The following KCNQ5 variants were observed in gnomAD, a reference collection of about 807,000 sequenced individuals.
KCNQ5 encodes the protein potassium voltage-gated channel subfamily KQT member 5.
Under a neutral mutation model 98.2 loss-of-function variants are expected in KCNQ5, and 30 were observed. The ratio of observed to expected loss-of-function variants is 0.31; its 90% CI spans 0.23 to 0.41. KCNQ5 has a LOEUF of 0.41. Among genes scored for constraint, KCNQ5 ranks in the 10% least tolerant of loss-of-function variants. The pLI, the probability that KCNQ5 is intolerant of heterozygous loss-of-function variation, is 1.00. For synonymous variants in KCNQ5, 458 were observed against 449.4 expected (o/e 1.02, Z -0.24); for missense variants, 835 against 1,182.5 (o/e 0.71, Z 4.31).
At chr6:73,113,323 C>T (rs930973392) in intron 7 of KCNQ5, among the ~76,000 whole-genome samples, 8 of 152,230 alleles carry the variant, frequency 5.3e-5, no homozygotes, top group African/African-American at 7.2e-5. Flanking sequence ...GCTCTGTCTA[C>T]ATATGGAACC....
chr6:72,680,921 A>G (rs1767672366), intron 1 of KCNQ5, among the ~76,000 whole-genome samples: 1 of 152,218 alleles, frequency 6.6e-6, no homozygotes, highest in African/African-American at 2.4e-5. Flanking sequence ...TGATACTTTT[A>G]AGTGGGTGTT....
intron 1 of KCNQ5, among the ~76,000 whole-genome samples, chr6:72,805,216 G>A (rs1187453196): frequency 1.3e-5 from 2 of 152,086 alleles, no homozygotes; most frequent in South Asian, 2.1e-4. Flanking sequence ...GTACTTGTAA[G>A]ATATTACTGA....
intron 9 of KCNQ5, among the ~76,000 whole-genome samples, chr6:73,126,798 A>G (rs1174577130): frequency 6.6e-6 from 1 of 152,262 alleles, no homozygotes; most frequent in African/African-American, 2.4e-5. Context: ...TAGGTGTCCT[A>G]TCTTCCAACT....
intron 1 of KCNQ5, among the ~76,000 whole-genome samples, chr6:72,635,889 G>A (rs1428507880): frequency 6.6e-6 from 1 of 151,760 alleles, no homozygotes; most frequent in East Asian, 1.9e-4. Context: ...AATTAATAGA[G>A]ACTTCTAGAA....
At chr6:73,119,906 C>T (rs750329643) in intron 7 of KCNQ5, among the ~76,000 whole-genome samples, 1 of 152,146 alleles carries the variant, frequency 6.6e-6, no homozygotes, top group East Asian at 1.9e-4. Flanking sequence ...CATTATATTG[C>T]ACTTTTTGGG....
At chr6:73,100,934 C>T (rs1002005443) in intron 5 of KCNQ5, among the ~76,000 whole-genome samples, 5 of 151,932 alleles carry the variant, frequency 3.3e-5, no homozygotes, top group Admixed American at 2.0e-4. Context: ...AACATTGAAC[C>T]ATGAAGAAAT....
chr6:72,867,685 C>A lies in KCNQ5; in HGVS notation c.399-136223C>A, dbSNP rs372071168. Among the ~76,000 whole-genome samples, 263 of 152,118 alleles carry A rather than the reference C, an allele frequency of 1.7e-3. 2 individuals are homozygous for A. Among genetic ancestry groups the A allele is most frequent in the South Asian group, 8.9e-3 (43 of 4,812 alleles). ...GAGTATGGTGGCTCATGCCTGTAAT[C>A]CCAACACTTTGGGAGGCTGAGGTGG... On this transcript the variant is annotated intron_variant, in intron 1 of 13. Coordinates refer to ENST00000370398, the MANE Select transcript of KCNQ5 (RefSeq NM_019842.4).
chr6:72,692,095 G>T (rs986083419), intron 1 of KCNQ5, among the ~76,000 whole-genome samples: 6 of 152,152 alleles, frequency 3.9e-5, no homozygotes, highest in African/African-American at 1.4e-4. Context: ...ATTTCAGAAA[G>T]GTTTTTAAAA....
intron 1 of KCNQ5, among the ~76,000 whole-genome samples, chr6:72,901,890 G>A (rs1488458326): frequency 6.6e-6 from 1 of 151,994 alleles, no homozygotes; most frequent in Non-Finnish European, 1.5e-5. Context: ...GAAGAATGAT[G>A]GTGGTATTTT....
intron 1 of KCNQ5, among the ~76,000 whole-genome samples, chr6:72,792,453 C>A (rs574364497): frequency 6.6e-6 from 1 of 152,286 alleles, no homozygotes; most frequent in African/African-American, 2.4e-5. Flanking sequence ...TAAATCAGCT[C>A]TTGGATAAAG....
chr6:72,995,306 T>G (rs1769238185), intron 1 of KCNQ5, among the ~76,000 whole-genome samples: 1 of 149,238 alleles, frequency 6.7e-6, no homozygotes, highest in Admixed American at 6.7e-5. Context: ...AGGTGGACTT[T>G]GCAGTGAGCT....
At chr6:73,178,240 A>C (rs1448911123) in intron 11 of KCNQ5, among the ~76,000 whole-genome samples, 3 of 147,362 alleles carry the variant, frequency 2.0e-5, no homozygotes, top group Non-Finnish European at 3.0e-5. Flanking sequence ...CGGATCTGGA[A>C]GTTCTTGCTT....
rs576455709 is a variant in KCNQ5 at position 72,694,012 on chromosome 6, C to T, written c.398+71425C>T. Among the ~76,000 whole-genome samples, 8 of 152,194 alleles carry T rather than the reference C, an allele frequency of 5.3e-5. No individual in the cohort carries two copies. The South Asian group carries it at 1.2e-3, about 24-fold the overall frequency. On this transcript the variant is annotated intron_variant, in intron 1 of 13. Coordinates refer to ENST00000370398, the MANE Select transcript of KCNQ5 (RefSeq NM_019842.4). ...CTTAAAGTTTTAGATTTAATTTTTT[C>T]CTATGGGCCATTACACATGAATGCC... is the stretch of plus-strand genomic sequence containing the variant.
intron 10 of KCNQ5, among the ~76,000 whole-genome samples, chr6:73,160,243 C>G (rs534080900): frequency 1.3e-5 from 2 of 152,198 alleles, no homozygotes; most frequent in Non-Finnish European, 2.9e-5. Context: ...GTCTCGATCT[C>G]CTGACGTCGT....
At chr6:72,880,833 C>G (rs1468979388) in intron 1 of KCNQ5, among the ~76,000 whole-genome samples, 1 of 152,132 alleles carries the variant, frequency 6.6e-6, no homozygotes. Context: ...ACTTTTTTCT[C>G]TACCGTGCTA....
intron 1 of KCNQ5, among the ~76,000 whole-genome samples, chr6:72,988,135 A>G (rs9446807): frequency 0.089 from 13,591 of 152,204 alleles, 1,186 homozygotes; most frequent in African/African-American, 0.23. Flanking sequence ...TGAGACATCA[A>G]TGTGTACAGA....
chr6:72,930,172 T>C (rs907237421), intron 1 of KCNQ5, among the ~76,000 whole-genome samples: 10 of 152,098 alleles, frequency 6.6e-5, no homozygotes, highest in African/African-American at 2.4e-4. Flanking sequence ...AGCTGAACAG[T>C]GTTCCTTATG....
chr6:72,857,344 T>C (rs1307870084), intron 1 of KCNQ5, among the ~76,000 whole-genome samples: 2 of 152,212 alleles, frequency 1.3e-5, no homozygotes, highest in African/African-American at 2.4e-5. Context: ...TAAAAAATTT[T>C]AAAGGACACA....
chr6:73,197,641 A>AC lies in KCNQ5; in HGVS notation c.*2231dup, dbSNP rs1481378807. On this transcript the variant is annotated 3_prime_UTR_variant, in exon 14 of 14. Transcript: ENST00000370398. Reference sequence around the variant, plus strand: ...CACACACACACACACACACACACACACCCCTCCACTGACCTAAAGCCAGAC... The same window carrying AC: ...CACACACACACACACACACACACACACCCCCTCCACTGACCTAAAGCCAGAC... The AC allele has an allele frequency of 6.7e-5, 7 of 103,770 alleles. No homozygotes were observed. The highest frequency in any genetic ancestry group is 1.3e-4 in the Non-Finnish European group (6 of 47,066). 6.4% of individuals were successfully genotyped at this position (103,770 alleles called of 1,614,324 possible).
Sources: gnomAD v4.1 joint callset for allele counts (sites outside exome capture counted in the v4.1 genomes callset) on GRCh38, gnomAD v4.1.1 for gene constraint, MANE v1.5 for transcripts, NCBI Gene and HGNC (gene_info 2026-07-23, HGNC 2026-07-21) for gene names.